CSMD3: variants seen among roughly 807,000 people sequenced by gnomAD.
CSMD3 encodes CUB and Sushi multiple domains 3.
A neutral mutation model predicts 435.2 loss-of-function variants in CSMD3; 177 were observed. The observed-to-expected ratio is 0.41, with a 90% CI of 0.36 to 0.46. The LOEUF (loss-of-function observed/expected upper bound fraction) is 0.46, where lower values mean the gene tolerates loss of function less well. CSMD3 is among the 20% of genes least tolerant of loss of function. The probability of loss-of-function intolerance (pLI) is 0.34; values close to 1 mark genes in which losing one functional copy is unlikely to be tolerated. For synonymous variants in CSMD3, 1,656 were observed against 1,520.5 expected (o/e 1.09, Z -2.07); for missense variants, 4,265 against 4,504.6 (o/e 0.95, Z 1.52).
rs2130630247 is a variant in CSMD3 at position 112,921,643 on chromosome 8, G to C, written c.1617C>G (p.His539Gln). 6.2e-7 allele frequency: 1 copy of C among 1,612,718 alleles called. No individual in the cohort carries two copies. Among genetic ancestry groups the C allele is most frequent in the Non-Finnish European group, 8.5e-7 (1 of 1,178,978 alleles). Residue 539 changes from histidine (H) to glutamine (Q), a missense_variant, in exon 10 of 71, where the codon CAC becomes CAG. Physicochemically the swap from His to Gln is conservative, Grantham distance 24. This residue lies in a region of CSMD3 where 731 missense variants were observed against 755.4 expected (regional missense o/e 0.97). Coordinates refer to ENST00000297405, the MANE Select transcript of CSMD3 (RefSeq NM_198123.2). ...AAACATTACCTTTACACACAGGCCT[G>C]TGATCACTCCAAGCAGCAAAAACTT... The part of the protein sequence containing the change: ...IAEVFAAWSD[H>Q]RPVCKVKTCG...
intron 3 of CSMD3, among the ~76,000 whole-genome samples, chr8:113,260,318 T>C (rs1563619044): frequency 1.3e-5 from 2 of 152,188 alleles, no homozygotes; most frequent in African/African-American, 4.8e-5. Context: ...TCACCATGTC[T>C]TTCTCAATAA....
chr8:112,993,745 G>C (rs2085540006), intron 6 of CSMD3, among the ~76,000 whole-genome samples: 3 of 151,680 alleles, frequency 2.0e-5, no homozygotes, highest in African/African-American at 7.3e-5. Flanking sequence ...AGACCTCTTT[G>C]ATACAAGTAT....
At position 112,594,996 on chromosome 8, in the gene CSMD3, T is replaced by A. The variant is rs917725697; in HGVS notation, c.3716-7761A>T. On this transcript the variant is annotated intron_variant, in intron 22 of 70. Transcript: ENST00000297405. ...AAGGAACGCAGTTCCTCACCAGCAA[T>A]GGAACAAAGCTGAATGGAGAATGAC... Among the ~76,000 whole-genome samples, 3 of 152,156 alleles carry A rather than the reference T, an allele frequency of 2.0e-5. No homozygotes were observed. In the South Asian group the frequency reaches 6.2e-4, roughly 32 times the overall value.
At chr8:112,841,442 A>G (rs1338075182) in intron 11 of CSMD3, among the ~76,000 whole-genome samples, 1 of 151,856 alleles carries the variant, frequency 6.6e-6, no homozygotes, top group East Asian at 1.9e-4. Context: ...AGTATTTTTG[A>G]CATTTCTAAG....
chr8:112,352,603 G>T (rs762343910), intron 38 of CSMD3, 69 bp from the exon 39 acceptor site: 2 of 1,373,882 alleles, frequency 1.5e-6, no homozygotes, highest in African/African-American at 1.4e-5. Flanking sequence ...TGCATATTAA[G>T]TTGCTAAAAT....
At chr8:113,145,541 A>T (rs2091653180) in intron 4 of CSMD3, among the ~76,000 whole-genome samples, 1 of 151,572 alleles carries the variant, frequency 6.6e-6, no homozygotes, top group Admixed American at 6.6e-5. Flanking sequence ...GTAAAGACGT[A>T]TTTTGCACTA....
At chr8:113,204,832 C>T (rs1222932946) in intron 3 of CSMD3, among the ~76,000 whole-genome samples, 3 of 152,062 alleles carry the variant, frequency 2.0e-5, no homozygotes, top group Admixed American at 1.3e-4. Flanking sequence ...ATACCCGAGA[C>T]TGGGCACTTT....
chr8:112,906,838 C>G (rs2082277292), intron 10 of CSMD3, among the ~76,000 whole-genome samples: 5 of 151,454 alleles, frequency 3.3e-5, no homozygotes. Context: ...ATATTACAAC[C>G]ATAGGGTTTG....
intron 3 of CSMD3, among the ~76,000 whole-genome samples, chr8:113,244,555 C>T (rs1327947835): frequency 6.6e-6 from 1 of 152,116 alleles, no homozygotes. Context: ...ACCTCATGAT[C>T]CGCCTGCCTC....
chr8:112,255,811 C>T (rs1815735072), intron 61 of CSMD3: 3 of 254,534 alleles, frequency 1.2e-5, no homozygotes, highest in African/African-American at 7.0e-5. Flanking sequence ...AGAAGCAACC[C>T]ATAATGTTCC....
intron 5 of CSMD3, among the ~76,000 whole-genome samples, chr8:113,033,606 C>A (rs1191240142): frequency 5.3e-5 from 7 of 131,442 alleles, no homozygotes; most frequent in Non-Finnish European, 1.1e-4. Flanking sequence ...TTTGCTTTTG[C>A]TTTTGATTTT....
In CSMD3 at chr8:112,921,789, G is replaced by T. The variant is rs772049270; in HGVS notation, c.1509-38C>A. 5.2e-6 allele frequency: 8 copies of T among 1,527,922 alleles called. No homozygotes were observed. The African/African-American group carries it at 5.5e-5, about 10-fold the overall frequency. 94.6% of individuals were successfully genotyped at this position (1,527,922 alleles called of 1,614,324 possible). On this transcript the variant is annotated intron_variant, in intron 9 of 70. Transcript: ENST00000297405. The stretch of plus-strand genomic sequence containing the variant: ...AAAAGAGAAAAAATATGATAAGAAA[G>T]ATGCAACATAATAACTAGGCTTCAC...
At chr8:113,054,644 C>T (rs1399156683) in intron 5 of CSMD3, among the ~76,000 whole-genome samples, 2 of 152,062 alleles carry the variant, frequency 1.3e-5, no homozygotes, top group East Asian at 1.9e-4. Context: ...AAAATATGTT[C>T]TAATCTCCCT....
intron 1 of CSMD3, among the ~76,000 whole-genome samples, chr8:113,328,117 A>ACAC (rs2093997510): frequency 6.6e-6 from 1 of 152,024 alleles, no homozygotes; most frequent in Admixed American, 6.6e-5. Flanking sequence ...ACACACACAC[A>ACAC]CACCAGAGAG....
intron 6 of CSMD3, among the ~76,000 whole-genome samples, chr8:112,985,234 T>G (rs1265271358): frequency 6.6e-6 from 1 of 152,116 alleles, no homozygotes; most frequent in Non-Finnish European, 1.5e-5. Flanking sequence ...TGAGCAGATT[T>G]TCCCTGATAC....
At chr8:113,033,914 G>C (rs2087231595) in intron 5 of CSMD3, among the ~76,000 whole-genome samples, 1 of 151,306 alleles carries the variant, frequency 6.6e-6, no homozygotes, top group African/African-American at 2.4e-5. Context: ...CATGATAGTG[G>C]GGGAGTTCTC....
At chr8:112,298,006 T>C (rs1324742679) in intron 53 of CSMD3, among the ~76,000 whole-genome samples, 1 of 142,718 alleles carries the variant, frequency 7.0e-6, no homozygotes, top group South Asian at 2.2e-4. Context: ...TAAAACATTC[T>C]GGGGAATAAA....
At chr8:112,537,670 A>G (rs1361167110) in intron 27 of CSMD3, among the ~76,000 whole-genome samples, 1 of 151,860 alleles carries the variant, frequency 6.6e-6, no homozygotes, top group African/African-American at 2.4e-5. Context: ...ACCAAAATTG[A>G]TCCATGAAGA....
chr8:112,625,515 T>C (rs949660483), intron 22 of CSMD3, among the ~76,000 whole-genome samples: 1 of 152,112 alleles, frequency 6.6e-6, no homozygotes, highest in African/African-American at 2.4e-5. Context: ...GTAGCAGATA[T>C]AACAAAACAT....
Sources: gnomAD v4.1 joint callset for allele counts (sites outside exome capture counted in the v4.1 genomes callset) on GRCh38, gnomAD v4.1.1 for gene constraint, gnomAD v4.1.1 regional missense constraint, MANE v1.5 for transcripts, NCBI Gene and HGNC (gene_info 2026-07-23, HGNC 2026-07-21) for gene names.